The following SLC4A5 variants were observed in gnomAD, a reference collection of about 807,000 sequenced individuals.
SLC4A5 encodes the protein electrogenic sodium bicarbonate cotransporter 4.
Under a neutral mutation model 120.4 loss-of-function variants are expected in SLC4A5, and 96 were observed. The ratio of observed to expected loss-of-function variants is 0.80; its 90% CI spans 0.68 to 0.94. The LOEUF is 0.94. SLC4A5 is among the 40% of genes least tolerant of loss of function. The pLI, the probability that SLC4A5 is intolerant of heterozygous loss-of-function variation, is 0.00. For synonymous variants in SLC4A5, 550 were observed against 571.1 expected, an observed-to-expected ratio of 0.96 and a Z score of 0.53; for missense variants, 1,259 against 1,459.5, an observed-to-expected ratio of 0.86 and a Z score of 2.24.
rs1349597477 is a variant in SLC4A5, at chr2:74,304,598, C to T, written c.162G>A (p.Leu54=). The T allele has an allele frequency of 5.6e-6, 9 of 1,614,060 alleles. No homozygotes were observed. The Admixed American group carries it at 1.5e-4, about 27-fold the overall frequency. The change falls in exon 7 of 31, where the codon CTG becomes CTA. Residue 54 remains leucine (L), a synonymous_variant. Transcript: ENST00000394019. Reference sequence around the variant, plus strand: ...GCCGCAGGCCCCAGTGGACTTTTTGCAGGCCTGAAAGATGTCCCTTCTGGT... The same window carrying T: ...GCCGCAGGCCCCAGTGGACTTTTTGTAGGCCTGAAAGATGTCCCTTCTGGT...
intron 12 of SLC4A5, among the ~76,000 whole-genome samples, chr2:74,256,730 C>CT (rs1670976453): frequency 6.6e-6 from 1 of 152,230 alleles, no homozygotes; most frequent in African/African-American, 2.4e-5. Context: ...GGGATGGTTA[C>CT]TTTCAAGCTC....
At position 74,315,003 on chromosome 2, in the gene SLC4A5, C is replaced by T. The variant is rs1261875998; in HGVS notation, c.21G>A (p.Lys7=). The change falls in exon 6 of 31, where the codon AAG becomes AAA. Residue 7 remains lysine, a synonymous_variant. Transcript: ENST00000394019. ...TGTGGTCCAGCTTTCCTACCCCAGCCTTCTCCTCCTTCACCTTCATGACTA... is the reference window on the plus strand; with the variant it reads ...TGTGGTCCAGCTTTCCTACCCCAGCTTTCTCCTCCTTCACCTTCATGACTA... 2.5e-6 allele frequency: 4 copies of T among 1,613,812 alleles called. No individual in the cohort carries two copies. In the South Asian group the frequency reaches 3.3e-5, roughly 13 times the overall value.
At chr2:74,253,198 T>C (rs992559751) in intron 14 of SLC4A5, 70 bp from the exon 15 acceptor site, 2 of 1,567,742 alleles carry the variant, frequency 1.3e-6, no homozygotes, top group African/African-American at 2.7e-5. Context: ...GCATATCACA[T>C]CTAGTTTTTA....
At chr2:74,332,818 C>A (rs950758539) in intron 4 of SLC4A5, among the ~76,000 whole-genome samples, 13 of 151,968 alleles carry the variant, frequency 8.6e-5, no homozygotes, top group African/African-American at 3.1e-4. Context: ...CAACCTCATC[C>A]CTGCCCTTCC....
chr2:74,307,996 T>G (rs1672698993), intron 6 of SLC4A5: 1 of 551,948 alleles, frequency 1.8e-6, no homozygotes, highest in Non-Finnish European at 3.6e-6. Flanking sequence ...GTGGAACGAG[T>G]GGTGAAGCTC....
intron 21 of SLC4A5, among the ~76,000 whole-genome samples, chr2:74,238,239 GA>G (rs1670332747): frequency 6.6e-6 from 1 of 152,066 alleles, no homozygotes; most frequent in African/African-American, 2.4e-5. Context: ...ACATTATGGA[GA>G]GAAAGAAGAC....
Position 74,250,695 on chromosome 2 carries a change from T to C in SLC4A5, c.1479-178A>G, listed in dbSNP as rs987239031. On this transcript the variant is annotated intron_variant, in intron 16 of 30. Transcript: ENST00000394019. ...GGGATGAATTCCTGTAGGACTGAGT[T>C]TGTGGTTGGCACCACCCACATTGGG... 4.2e-5 allele frequency: 30 copies of C among 715,626 alleles called. No homozygotes were observed. The Admixed American group carries it at 5.9e-4, about 14-fold the overall frequency. 44.3% of individuals were successfully genotyped at this position (715,626 alleles called of 1,614,324 possible).
At chr2:74,264,579 C>T (rs550511553) in intron 9 of SLC4A5, among the ~76,000 whole-genome samples, 67 of 151,634 alleles carry the variant, frequency 4.4e-4, no homozygotes, top group East Asian at 7.8e-4. Flanking sequence ...TATGAAACTG[C>T]CCCAGGAGGC....
intron 7 of SLC4A5, chr2:74,290,308 G>C: frequency 1.0e-6 from 1 of 985,568 alleles, no homozygotes; most frequent in Non-Finnish European, 1.2e-6. Context: ...GCCCCAGCCT[G>C]CTTCCGCTGC....
At chr2:74,227,074 G>C in exon 27 of SLC4A5, 1 of 1,614,124 alleles carries the variant, frequency 6.2e-7, no homozygotes, top group South Asian at 1.1e-5. Flanking sequence ...GCCGCAGGAA[G>C]GCATGGTCCG....
intron 8 of SLC4A5, among the ~76,000 whole-genome samples, chr2:74,268,978 A>T (rs1231105522): frequency 1.3e-5 from 2 of 152,212 alleles, no homozygotes; most frequent in Non-Finnish European, 2.9e-5. Flanking sequence ...ATGGACACAG[A>T]ATGGGGAGAT....
chr2:74,272,159 T>C (rs2104089664), intron 8 of SLC4A5, among the ~76,000 whole-genome samples: 1 of 152,314 alleles, frequency 6.6e-6, no homozygotes, highest in Admixed American at 6.5e-5. Flanking sequence ...CTGGGATTTG[T>C]GTCAACCTGA....
chr2:74,246,951 CAGT>C, intron 19 of SLC4A5, 82 bp downstream of exon 19: 4 of 1,529,158 alleles, frequency 2.6e-6, no homozygotes, highest in Middle Eastern at 2.1e-4. Context: ...CCCTCCCCAG[CAGT>C]AGAAGTAGAG....
intron 29 of SLC4A5, among the ~76,000 whole-genome samples, chr2:74,222,535 C>T (rs148800163): frequency 1.4e-3 from 206 of 152,284 alleles, no homozygotes; most frequent in Non-Finnish European, 2.2e-3. Flanking sequence ...AGCATTAACC[C>T]CTGTGCTCCA....
At chr2:74,253,033 T>C in exon 15 of SLC4A5, 3 of 1,614,234 alleles carry the variant, frequency 1.9e-6, no homozygotes, top group Non-Finnish European at 2.5e-6. Context: ...GGTCCCATTC[T>C]CCAGGAGGAA....
chr2:74,247,412 G>T, intron 18 of SLC4A5, 105 bp from the exon 19 acceptor site: 1 of 1,221,768 alleles, frequency 8.2e-7, no homozygotes, highest in Non-Finnish European at 1.1e-6. Flanking sequence ...CTGTGGCACT[G>T]ATGCCCTCCC....
intron 8 of SLC4A5, among the ~76,000 whole-genome samples, chr2:74,275,879 G>A (rs752210810): frequency 4.6e-5 from 7 of 152,204 alleles, no homozygotes; most frequent in Non-Finnish European, 7.3e-5. Context: ...CCAAGGTCAT[G>A]CAGCTCATAA....
chr2:74,288,603 G>A (rs1338101762), intron 7 of SLC4A5, among the ~76,000 whole-genome samples: 3 of 152,130 alleles, frequency 2.0e-5, no homozygotes, highest in East Asian at 1.9e-4. Flanking sequence ...CTTAAATCTT[G>A]ATCTTGCCCA....
chr2:74,222,939 G>T (rs1317208566), exon 29 of SLC4A5: 2 of 1,611,412 alleles, frequency 1.2e-6, no homozygotes, highest in East Asian at 4.5e-5. Flanking sequence ...AACCGAGGGA[G>T]GAGGGAACTG....
Sources: allele counts gnomAD v4.1 joint callset (sites outside exome capture counted in the v4.1 genomes callset), GRCh38; gene constraint gnomAD v4.1.1; transcripts MANE v1.5; gene names NCBI Gene and HGNC (gene_info 2026-07-23, HGNC 2026-07-21).